Variants in ANGEL1 observed in about 807,000 individuals in gnomAD.
ANGEL1 encodes the protein RNA 2',3'-cyclic phosphatase ANGEL1.
A neutral mutation model predicts 76.4 loss-of-function variants in ANGEL1; 62 were observed. The observed-to-expected ratio is 0.81, with a 90% CI of 0.66 to 1.00. The LOEUF (loss-of-function observed/expected upper bound fraction) is 1.00, where lower values mean the gene tolerates loss of function less well. Ranked by LOEUF, ANGEL1 falls within the 50% of genes least tolerant of loss-of-function variation. The probability of loss-of-function intolerance (pLI) is 0.00; values close to 1 mark genes in which losing one functional copy is unlikely to be tolerated. For synonymous variants in ANGEL1, 340 were observed against 331.7 expected (o/e 1.03, Z -0.27); for missense variants, 737 against 836.7 (o/e 0.88, Z 1.47).
chr14:76,805,362 C>A (rs561526220), intron 5 of ANGEL1, among the ~76,000 whole-genome samples: 2 of 152,342 alleles, frequency 1.3e-5, no homozygotes, highest in South Asian at 2.1e-4. Context: ...TCAGTAAATT[C>A]TTTTCCTCGT....
chr14:76,789,210 C>T lies in ANGEL1; in HGVS notation c.*18G>A. On this transcript the variant is annotated 3_prime_UTR_variant, in exon 10 of 10. Coordinates refer to ENST00000251089, the MANE Select transcript of ANGEL1 (RefSeq NM_015305.4). Reference sequence around the variant, plus strand: ...TGAGCTCTTCTGGAAGAGAAGCTCTCTTCCCCTGGGAGCCCTGTCATGGGG... The same window carrying T: ...TGAGCTCTTCTGGAAGAGAAGCTCTTTTCCCCTGGGAGCCCTGTCATGGGG... 1.9e-6 allele frequency: 3 copies of T among 1,613,706 alleles called. No individual in the cohort carries two copies. The highest frequency in any genetic ancestry group is 2.5e-6 in the Non-Finnish European group (3 of 1,179,810).
chr14:76,789,441 T>C (rs1894333128), intron 9 of ANGEL1, 53 bp from the exon 10 acceptor site: 1 of 1,602,478 alleles, frequency 6.2e-7, no homozygotes, highest in Non-Finnish European at 8.5e-7. Context: ...CCACACTGCA[T>C]GGGCAGGCAG....
chr14:76,806,003 A>G (rs1197371728), intron 5 of ANGEL1, among the ~76,000 whole-genome samples: 2 of 152,266 alleles, frequency 1.3e-5, no homozygotes, highest in African/African-American at 4.8e-5. Context: ...ACTGATTACA[A>G]TATCATAGGA....
In ANGEL1 at chr14:76,812,699, C is replaced by A. The variant is rs1419906347; in HGVS notation, c.64+65G>T. 9.0e-6 allele frequency: 13 copies of A among 1,447,446 alleles called. No individual in the cohort carries two copies. The South Asian group carries it at 1.6e-4, about 18-fold the overall frequency. 89.7% of individuals were successfully genotyped at this position (1,447,446 alleles called of 1,614,324 possible). A position where few individuals can be genotyped will look rare whatever the true frequency, so the allele number is the denominator to read the frequency against. On this transcript the variant is annotated intron_variant, in intron 1 of 9. Transcript: ENST00000251089. ...CCGGCCAACCGCACGCCGCCCCAGG[C>A]CCGCGGAGCCCCGCAGAGGCGAGCC... is the stretch of plus-strand genomic sequence containing the variant.
chr14:76,809,483 AGT>A lies in ANGEL1; in HGVS notation c.223_224del (p.Thr75CysfsTer3). On this transcript the variant is annotated frameshift_variant, in exon 2 of 10. Transcript: ENST00000251089. LOFTEE classifies it high-confidence loss of function. ...TATCTATAAGGGGCCCCTCACTTGC[AGT>A]TGAGAGCACCTGGCTCAACCCTTCT... is the stretch of plus-strand genomic sequence containing the variant. ...REEGLSQVLS[T>X]ASEGPLIDKG... is the part of the protein sequence containing the mutation. 6.2e-7 allele frequency: 1 copy of A among 1,614,222 alleles called. No homozygotes were observed. The highest frequency in any genetic ancestry group is 1.1e-5 in the South Asian group (1 of 91,084).
intron 7 of ANGEL1, among the ~76,000 whole-genome samples, chr14:76,799,277 CCT>C (rs1894680686): frequency 1.1e-5 from 1 of 87,584 alleles, no homozygotes. Flanking sequence ...TTCATGGCCT[CCT>C]TTTTTTTTTT....
rs112169801 is a variant in ANGEL1 at position 76,795,732 on chromosome 14, A to G, written c.1619-4366T>C. On this transcript the variant is annotated intron_variant, in intron 7 of 9. Coordinates refer to ENST00000251089, the MANE Select transcript of ANGEL1 (RefSeq NM_015305.4). ...ATGGGAATCAGTTTTAGTAAATTAC[A>G]TTTATATGCCATCCAAATTTTCCAT... 5.9e-3 allele frequency among the ~76,000 whole-genome samples: 904 copies of G among 152,290 alleles called. 12 individuals carry two copies. The highest frequency in any genetic ancestry group is 0.021 in the African/African-American group (876 of 41,542).
chr14:76,810,305 T>C lies in ANGEL1; in HGVS notation c.65-662A>G, dbSNP rs1165530546. 1.8e-5 allele frequency: 8 copies of C among 434,586 alleles called. No homozygotes were observed. In the East Asian group the frequency reaches 3.6e-4, roughly 19 times the overall value. The allele number at this position is 434,586 out of a possible 1,614,324, so 26.9% of individuals were successfully genotyped here. A position where few individuals can be genotyped will look rare whatever the true frequency, so the allele number is the denominator to read the frequency against. On this transcript the variant is annotated intron_variant, in intron 1 of 9. Coordinates refer to ENST00000251089, the MANE Select transcript of ANGEL1 (RefSeq NM_015305.4). ...GTACGGTGGCACATGCCCATGGTCCTAGCTACTTGGGAGGCTGAAATGAGA... is the reference window on the plus strand; with the variant it reads ...GTACGGTGGCACATGCCCATGGTCCCAGCTACTTGGGAGGCTGAAATGAGA...
intron 5 of ANGEL1, chr14:76,804,481 G>A (rs971431313): frequency 4.1e-6 from 4 of 984,702 alleles, no homozygotes; most frequent in African/African-American, 1.7e-5. Context: ...CATCTCCAAC[G>A]TGTGTAGCAA....
chr14:76,799,973 T>C (rs560670605), intron 7 of ANGEL1, among the ~76,000 whole-genome samples: 32 of 152,070 alleles, frequency 2.1e-4, no homozygotes, highest in Admixed American at 3.9e-4. Context: ...GGTAGGAGCA[T>C]TGAACAAATA....
intron 1 of ANGEL1, chr14:76,809,951 C>T: frequency 2.3e-6 from 1 of 434,512 alleles, no homozygotes; most frequent in East Asian, 4.9e-5. Flanking sequence ...CATATACCCA[C>T]ACTCCTTTTA....
At chr14:76,802,185 TA>T (rs900735359) in intron 7 of ANGEL1, among the ~76,000 whole-genome samples, 2 of 151,918 alleles carry the variant, frequency 1.3e-5, no homozygotes, top group Non-Finnish European at 2.9e-5. Context: ...AAAAATAAAA[TA>T]AAATAAAAAA....
Position 76,812,801 on chromosome 14 carries a change from C to G in ANGEL1, c.27G>C (p.Leu9=). Residue 9 remains leucine, a synonymous_variant, in exon 1 of 10, where the codon CTG becomes CTC. Coordinates refer to ENST00000251089, the MANE Select transcript of ANGEL1 (RefSeq NM_015305.4). ...GGAAGAGGCGCGTGGCCGGCAGCAG[C>G]AGGTAACACAAGCACGACGCGATCA... is the stretch of plus-strand genomic sequence containing the variant. MIASCLCY[L]LLPATRLFRA... 1 of 1,521,090 alleles carries G rather than the reference C, an allele frequency of 6.6e-7. No homozygotes were observed. Among genetic ancestry groups the G allele is most frequent in the African/African-American group, 1.4e-5 (1 of 70,364 alleles). 94.2% of individuals were successfully genotyped at this position (1,521,090 alleles called of 1,614,324 possible).
intron 4 of ANGEL1, 89 bp from the exon 5 acceptor site, chr14:76,806,938 C>T: frequency 7.3e-7 from 1 of 1,371,772 alleles, no homozygotes; most frequent in Non-Finnish European, 1.0e-6. Context: ...AGTGTATGCC[C>T]CTGAGGCATT....
In ANGEL1 at chr14:76,790,594, G is replaced by C; in HGVS notation, c.1852+17C>G. On this transcript the variant is annotated intron_variant, in intron 9 of 9. Coordinates refer to ENST00000251089, the MANE Select transcript of ANGEL1 (RefSeq NM_015305.4). ...AGGGACCTGGGGGTGGAGGAACCCA[G>C]GATCCATCAGGCTTACCAGTTCTGT... is the stretch of plus-strand genomic sequence containing the variant. 6.2e-7 allele frequency: 1 copy of C among 1,601,038 alleles called. No individual in the cohort carries two copies. The highest frequency in any genetic ancestry group is 8.5e-7 in the Non-Finnish European group (1 of 1,170,624).
At chr14:76,807,635 A>C in intron 3 of ANGEL1, 133 bp from the exon 4 acceptor site, 1 of 845,810 alleles carries the variant, frequency 1.2e-6, no homozygotes, top group Middle Eastern at 3.4e-4. Flanking sequence ...CAACAGCAAG[A>C]ACAGGCCCAG....
chr14:76,808,268 C>T (rs1337070223), intron 2 of ANGEL1, 120 bp from the exon 3 acceptor site: 4 of 780,534 alleles, frequency 5.1e-6, no homozygotes, highest in South Asian at 1.8e-5. Context: ...TCCCTGTCAC[C>T]CATCCCTCTC....
rs143495522 is a variant in ANGEL1, at chr14:76,807,432, C to A, written c.946+1G>T. The A allele has an allele frequency of 6.2e-7, 1 of 1,611,414 alleles. No homozygotes were observed. The highest frequency in any genetic ancestry group is 1.1e-5 in the South Asian group (1 of 90,368). On this transcript the variant is annotated splice_donor_variant, in intron 4 of 9. Transcript: ENST00000251089. LOFTEE classifies it high-confidence loss of function. ...GCAAGCATCCCAGGGAGCTGCATTA[C>A]CCATCATTCGCAGAGAGGGTTCCAG...
rs529282721 is a variant in ANGEL1, at chr14:76,786,336, A to C, written c.*2892T>G. ...CGCCATCACGCCCGGCTAATTTTGT[A>C]TTTTTAGTAGAGACGGGATTTCTTC... On this transcript the variant is annotated 3_prime_UTR_variant, in exon 10 of 10. Coordinates refer to ENST00000251089, the MANE Select transcript of ANGEL1 (RefSeq NM_015305.4). 6.6e-6 allele frequency: 1 copy of C among 151,942 alleles called. No individual in the cohort carries two copies. Among genetic ancestry groups the C allele is most frequent in the East Asian group, 1.9e-4 (1 of 5,162 alleles). 9.4% of individuals were successfully genotyped at this position (151,942 alleles called of 1,614,324 possible). A position where few individuals can be genotyped will look rare whatever the true frequency, so the allele number is the denominator to read the frequency against.
Sources: gnomAD v4.1 joint callset for allele counts (sites outside exome capture counted in the v4.1 genomes callset) on GRCh38, gnomAD v4.1.1 for gene constraint, MANE v1.5 for transcripts, NCBI Gene and HGNC (gene_info 2026-07-23, HGNC 2026-07-21) for gene names.